Variants in MAGI2 observed in about 807,000 individuals in gnomAD.
MAGI2 encodes the protein membrane associated guanylate kinase, WW and PDZ domain containing 2, also known as membrane-associated guanylate kinase, WW and PDZ domain-containing protein 2.
In MAGI2, 35 loss-of-function variants were observed where a neutral mutation model predicts 133.3. That is an observed-to-expected ratio of 0.26 (90% CI 0.20 to 0.35). The LOEUF (loss-of-function observed/expected upper bound fraction) is 0.35. MAGI2 is among the 10% of genes least tolerant of loss of function. The pLI, the probability that MAGI2 is intolerant of heterozygous loss-of-function variation, is 1.00. For missense variants in MAGI2, 1,636 were observed against 1,863.4 expected (o/e 0.88, Z 2.25); for synonymous variants, 729 against 710.6 (o/e 1.03, Z -0.41).
intron 21 of MAGI2, among the ~76,000 whole-genome samples, chr7:78,047,730 C>G (rs1462620972): frequency 6.6e-6 from 1 of 152,208 alleles, no homozygotes; most frequent in Non-Finnish European, 1.5e-5. Flanking sequence ...TCTGTCTTGC[C>G]TCTGTGGATG....
At chr7:78,729,303 T>A (rs1436441401) in intron 2 of MAGI2, among the ~76,000 whole-genome samples, 1 of 152,136 alleles carries the variant, frequency 6.6e-6, no homozygotes, top group Admixed American at 6.5e-5. Flanking sequence ...TACAACACAT[T>A]AGGGGTTCAG....
At chr7:78,770,463 A>G (rs1224563746) in intron 2 of MAGI2, among the ~76,000 whole-genome samples, 3 of 152,248 alleles carry the variant, frequency 2.0e-5, no homozygotes, top group Non-Finnish European at 4.4e-5. Context: ...CTATTCTGAC[A>G]TTAGAAGAAA....
At chr7:78,766,981 A>ATT (rs900562503) in intron 2 of MAGI2, among the ~76,000 whole-genome samples, 2 of 130,288 alleles carry the variant, frequency 1.5e-5, no homozygotes, top group Non-Finnish European at 3.2e-5. Flanking sequence ...AATTCACATT[A>ATT]TAATAAAGTT....
intron 1 of MAGI2, among the ~76,000 whole-genome samples, chr7:79,325,663 A>G (rs1172162793): frequency 1.3e-5 from 2 of 152,326 alleles, no homozygotes; most frequent in East Asian, 3.9e-4. Context: ...ATTGTGAGAA[A>G]AAACATGAAA....
chr7:78,764,707 T>C (rs1332489793), intron 2 of MAGI2, among the ~76,000 whole-genome samples: 3 of 152,198 alleles, frequency 2.0e-5, no homozygotes, highest in African/African-American at 7.2e-5. Context: ...TTCTTGATCA[T>C]AGGCTCTTAG....
chr7:79,440,372 G>A (rs1315018175), intron 1 of MAGI2, among the ~76,000 whole-genome samples: 6 of 151,824 alleles, frequency 4.0e-5, no homozygotes, highest in African/African-American at 1.5e-4. Flanking sequence ...AATTTTTGTG[G>A]CTGGTTTGCT....
At chr7:78,804,761 A>AAAACAAAAAAAACAAAAAAC (rs758221965) in intron 2 of MAGI2, among the ~76,000 whole-genome samples, 1 of 143,524 alleles carries the variant, frequency 7.0e-6, no homozygotes, top group Non-Finnish European at 1.5e-5. Context: ...AAAAAAAAAA[A>AAAACAAAAAAAACAAAAAAC]AAAAAAAAAA....
chr7:79,405,520 A>G (rs902281222), intron 1 of MAGI2, among the ~76,000 whole-genome samples: 1 of 152,146 alleles, frequency 6.6e-6, no homozygotes, highest in African/African-American at 2.4e-5. Context: ...TTTGGAAACA[A>G]AAGTTCAAAC....
In MAGI2 at chr7:78,965,666, G is replaced by T. The variant is rs147544547; in HGVS notation, c.418+41424C>A. ...ATCAGAAACCATCCCTTTTAGATTA[G>T]TTGAAGATATATTTTAAACTATGAC... On this transcript the variant is annotated intron_variant, in intron 2 of 21. Transcript: ENST00000354212. 1.2e-4 allele frequency among the ~76,000 whole-genome samples: 18 copies of T among 151,998 alleles called. No individual in the cohort carries two copies. In the East Asian group the frequency reaches 3.5e-3, roughly 30 times the overall value.
At chr7:78,584,217 C>G (rs1009217407) in intron 3 of MAGI2, among the ~76,000 whole-genome samples, 3 of 151,890 alleles carry the variant, frequency 2.0e-5, no homozygotes, top group Non-Finnish European at 4.4e-5. Context: ...GTCAAGAGTT[C>G]GAGACCAGCC....
chr7:78,930,923 A>G (rs533957078), intron 2 of MAGI2, among the ~76,000 whole-genome samples: 8 of 152,282 alleles, frequency 5.3e-5, no homozygotes, highest in Admixed American at 5.2e-4. Flanking sequence ...TTGGATGGGC[A>G]CTGAAACATA....
Position 78,055,601 on chromosome 7 carries a change from A to T in MAGI2, c.3706+23346T>A, listed in dbSNP as rs147003365. On this transcript the variant is annotated intron_variant, in intron 21 of 21. Coordinates refer to ENST00000354212, the MANE Select transcript of MAGI2 (RefSeq NM_012301.4). The stretch of plus-strand genomic sequence containing the variant: ...CCACCGACACCTCCCAGACCCTGGA[A>T]CCTCCTTTTCTATACATGCAGTTCT... 1.9e-4 allele frequency among the ~76,000 whole-genome samples: 29 copies of T among 152,264 alleles called. No individual in the cohort carries two copies. In the East Asian group the frequency reaches 5.4e-3, roughly 28 times the overall value.
chr7:78,132,318 C>T lies in MAGI2; in HGVS notation c.3203+571G>A, dbSNP rs143937004. On this transcript the variant is annotated intron_variant, in intron 18 of 21. Coordinates refer to ENST00000354212, the MANE Select transcript of MAGI2 (RefSeq NM_012301.4). ...TAACCTGCATTCACCCTGCCAGCCT[C>T]CTGTCTGCGCTCTGCAGGGCAGACC... Among the ~76,000 whole-genome samples the T allele has an allele frequency of 2.6e-5, 4 of 152,354 alleles. No individual in the cohort carries two copies. The East Asian group carries it at 7.7e-4, about 29-fold the overall frequency.
At chr7:79,385,292 A>G (rs562461291) in intron 1 of MAGI2, among the ~76,000 whole-genome samples, 2 of 151,934 alleles carry the variant, frequency 1.3e-5, no homozygotes, top group Non-Finnish European at 2.9e-5. Context: ...AACCTGGAGT[A>G]CTATTTAACA....
chr7:78,440,328 T>A (rs1787490082), intron 6 of MAGI2, among the ~76,000 whole-genome samples: 1 of 152,164 alleles, frequency 6.6e-6, no homozygotes, highest in Admixed American at 6.5e-5. Context: ...ATATGGCTGA[T>A]GAAGTGTGCT....
At chr7:79,130,281 T>C (rs898950491) in intron 1 of MAGI2, among the ~76,000 whole-genome samples, 12 of 152,054 alleles carry the variant, frequency 7.9e-5, no homozygotes, top group African/African-American at 2.9e-4. Context: ...CATTGTATAG[T>C]CTAGCCTGAG....
chr7:79,344,131 T>C (rs1841126839), intron 1 of MAGI2, among the ~76,000 whole-genome samples: 1 of 151,988 alleles, frequency 6.6e-6, no homozygotes, highest in African/African-American at 2.4e-5. Flanking sequence ...AATGTCAAAC[T>C]CTGTGAACTA....
At chr7:78,556,540 A>G (rs1291571267) in intron 3 of MAGI2, among the ~76,000 whole-genome samples, 3 of 152,208 alleles carry the variant, frequency 2.0e-5, no homozygotes, top group Non-Finnish European at 4.4e-5. Context: ...GCAGACTAAA[A>G]TGGGAGCACT....
chr7:78,450,222 A>G (rs1861384), intron 6 of MAGI2, among the ~76,000 whole-genome samples: 62,609 of 151,924 alleles, frequency 0.41, 15,282 homozygotes, highest in Non-Finnish European at 0.54. Context: ...CAAAATATTG[A>G]TGCATAACAT....
Sources: gnomAD v4.1 joint callset for allele counts (sites outside exome capture counted in the v4.1 genomes callset) on GRCh38, gnomAD v4.1.1 for gene constraint, MANE v1.5 for transcripts, NCBI Gene and HGNC (gene_info 2026-07-23, HGNC 2026-07-21) for gene names.